The following RGPD2 variants were observed in gnomAD, a reference collection of about 807,000 sequenced individuals.
RGPD2 encodes RANBP2 like and GRIP domain containing 2.
RGPD2 carries 2 observed loss-of-function variants against 36.0 expected under a neutral mutation model. The observed-to-expected ratio is 0.06, with a 90% CI of 0.02 to 0.17. The LOEUF is 0.17. RGPD2 is among the 10% of genes least tolerant of loss of function. The pLI is 1.00. For synonymous variants in RGPD2, 19 were observed against 163.8 expected (o/e 0.12, Z 6.75); for missense variants, 40 against 464.3 (o/e 0.09, Z 8.40).
chr2:87,781,464 G>GTTTTTTTTTTTTTTTTTT (rs879124297), intron 20 of RGPD2, among the ~76,000 whole-genome samples: 1 of 112,608 alleles, frequency 8.9e-6, no homozygotes, highest in African/African-American at 3.4e-5. Context: ...TTGTTTTTTT[G>GTTTTTTTTTTTTTTTTTT]TTTTTTTTTT....
chr2:87,878,339 A>T, the RGPD2 span, among the ~76,000 whole-genome samples: 1 of 137,156 alleles, frequency 7.3e-6, no homozygotes, highest in Non-Finnish European at 1.6e-5. Context: ...TTGTGATTGC[A>T]TTGTGAAGGA....
chr2:87,886,108 A>G, the RGPD2 span, among the ~76,000 whole-genome samples: 1 of 151,998 alleles, frequency 6.6e-6, no homozygotes, highest in East Asian at 1.9e-4. Flanking sequence ...CTCTGAATTC[A>G]TTAATTATTT....
chr2:87,866,978 T>A, the RGPD2 span, among the ~76,000 whole-genome samples: 14 of 152,150 alleles, frequency 9.2e-5, no homozygotes, highest in Admixed American at 9.2e-4. Context: ...CCTAAATCGA[T>A]TTTTTTTCTT....
chr2:87,842,218 G>A, the RGPD2 span, among the ~76,000 whole-genome samples: 1 of 151,536 alleles, frequency 6.6e-6, no homozygotes, highest in Non-Finnish European at 1.5e-5. Context: ...AGGGCAATTA[G>A]GCAGGAGAAG....
the RGPD2 span, chr2:87,988,962 A>G: frequency 3.1e-6 from 1 of 324,276 alleles, no homozygotes; most frequent in Non-Finnish European, 5.9e-6. Flanking sequence ...GACATCACAA[A>G]GCACTCCCTA....
At chr2:87,864,568 T>C in the RGPD2 span, among the ~76,000 whole-genome samples, 1 of 150,990 alleles carries the variant, frequency 6.6e-6, no homozygotes, top group South Asian at 2.1e-4. Context: ...TAGCTAGACA[T>C]AGATAGATGA....
the RGPD2 span, among the ~76,000 whole-genome samples, chr2:87,915,340 A>ATGTATATTATATATATTGTATATATAT: frequency 9.1e-6 from 1 of 109,580 alleles, no homozygotes; most frequent in South Asian, 2.5e-4. Flanking sequence ...TTGTATATAT[A>ATGTATATTATATATATTGTATATATAT]ATGTATATTA....
chr2:87,902,711 T>TA, the RGPD2 span, among the ~76,000 whole-genome samples: 2 of 150,552 alleles, frequency 1.3e-5, no homozygotes, highest in African/African-American at 2.4e-5. Flanking sequence ...CTGAAATAAA[T>TA]ACAGCAATTA....
At chr2:87,840,597 A>G in the RGPD2 span, among the ~76,000 whole-genome samples, 63 of 152,186 alleles carry the variant, frequency 4.1e-4, no homozygotes, top group Non-Finnish European at 7.4e-4. Context: ...TGTCCTTTAT[A>G]TACAGTTTTA....
chr2:87,772,825 G>A (rs1424214023), intron 21 of RGPD2, among the ~76,000 whole-genome samples: 1 of 150,910 alleles, frequency 6.6e-6, no homozygotes, highest in Non-Finnish European at 1.5e-5. Context: ...AGCTTACCAA[G>A]TATCACTGAC....
the RGPD2 span, among the ~76,000 whole-genome samples, chr2:87,861,371 C>T: frequency 2.5e-3 from 376 of 152,198 alleles, no homozygotes; most frequent in African/African-American, 8.7e-3. Flanking sequence ...TAATAAGCAA[C>T]TGGTTTGACA....
At chr2:87,775,464 TAAG>T (rs1376447118) in intron 20 of RGPD2, among the ~76,000 whole-genome samples, 4 of 151,488 alleles carry the variant, frequency 2.6e-5, no homozygotes, top group African/African-American at 9.7e-5. Flanking sequence ...TGTTCCCTCA[TAAG>T]AATCTTCTAT....
chr2:87,921,338 T>C, the RGPD2 span, among the ~76,000 whole-genome samples: 13 of 152,260 alleles, frequency 8.5e-5, no homozygotes, highest in East Asian at 2.5e-3. Flanking sequence ...CCCTGGACAT[T>C]ATGATTCAAT....
At chr2:87,961,430 G>A in the RGPD2 span, among the ~76,000 whole-genome samples, 9 of 151,992 alleles carry the variant, frequency 5.9e-5, no homozygotes, top group East Asian at 5.9e-4. Context: ...GCCGGGCGCC[G>A]TGGCTCACGC....
chr2:87,909,301 T>C, the RGPD2 span, among the ~76,000 whole-genome samples: 6 of 142,084 alleles, frequency 4.2e-5, no homozygotes, highest in African/African-American at 7.8e-5. Context: ...TAATGCCCTG[T>C]TTCTGCTCTT....
chr2:87,965,111 T>A, the RGPD2 span, among the ~76,000 whole-genome samples: 26 of 136,522 alleles, frequency 1.9e-4, no homozygotes, highest in Non-Finnish European at 3.7e-4. Context: ...GGCATTTACA[T>A]CTTGGATGGC....
Position 87,825,787 on chromosome 2 carries a change from C to G in RGPD2, c.-58G>C, listed in dbSNP as rs1190420036. The G allele has an allele frequency of 6.6e-7, 1 of 1,507,218 alleles. No individual in the cohort carries two copies. The highest frequency in any genetic ancestry group is 8.9e-7 in the Non-Finnish European group (1 of 1,123,016). The allele number at this position is 1,507,218 out of a possible 1,614,324, so 93.4% of individuals were successfully genotyped here. A position where few individuals can be genotyped will look rare whatever the true frequency, so the allele number is the denominator to read the frequency against. On this transcript the variant is annotated 5_prime_UTR_variant, in exon 1 of 23. Coordinates refer to ENST00000398146, the MANE Select transcript of RGPD2 (RefSeq NM_001078170.3). ...AACCAGCGCTCAGCCCCGCAGCAGT[C>G]GCCAATTCCAACAGGAAAGCGCCTG...
At chr2:87,780,771 CA>C (rs1329206276) in intron 20 of RGPD2, among the ~76,000 whole-genome samples, 89 of 80,036 alleles carry the variant, frequency 1.1e-3, no homozygotes, top group African/African-American at 4.4e-3. Context: ...TCAAATACAA[CA>C]TTTTTCTAAA....
At chr2:87,930,868 G>T in the RGPD2 span, among the ~76,000 whole-genome samples, 1 of 143,834 alleles carries the variant, frequency 7.0e-6, no homozygotes, top group African/African-American at 2.5e-5. Context: ...GTATAGAGGT[G>T]TTCATAATAT....
Sources: allele counts gnomAD v4.1 joint callset (sites outside exome capture counted in the v4.1 genomes callset), GRCh38; gene constraint gnomAD v4.1.1; transcripts MANE v1.5; gene names NCBI Gene and HGNC (gene_info 2026-07-23, HGNC 2026-07-21).